Variants in SRGAP3 observed in about 807,000 individuals in gnomAD.
The protein encoded by SRGAP3 is SLIT-ROBO Rho GTPase activating protein 3.
In SRGAP3, 39 loss-of-function variants were observed where a neutral mutation model predicts 121.1. That is an observed-to-expected ratio of 0.32 (90% CI 0.25 to 0.42). The LOEUF (loss-of-function observed/expected upper bound fraction) is 0.42. SRGAP3 is among the 10% of genes least tolerant of loss of function. The pLI is 1.00. For missense variants in SRGAP3, 1,213 were observed against 1,470.6 expected (o/e 0.82, Z 2.86); for synonymous variants, 601 against 570.0 (o/e 1.05, Z -0.77).
At position 9,158,113 on chromosome 3, in the gene SRGAP3, C is replaced by G. The variant is rs141033169; in HGVS notation, c.68-33196G>C. Among the ~76,000 whole-genome samples the G allele has an allele frequency of 5.2e-3, 796 of 152,282 alleles. 1 individual carries two copies. The highest frequency in any genetic ancestry group is 7.1e-3 in the Non-Finnish European group (484 of 68,032). ...CTGTGCTCCAGGAGCCTGCTCGGGC[C>G]TGTAACAAATTGTAAAAGAGCAAAG... On this transcript the variant is annotated intron_variant, in intron 1 of 21. Coordinates refer to ENST00000383836, the MANE Select transcript of SRGAP3 (RefSeq NM_014850.4).
chr3:9,141,931 C>T (rs1283229370), intron 1 of SRGAP3, among the ~76,000 whole-genome samples: 1 of 152,126 alleles, frequency 6.6e-6, no homozygotes, highest in African/African-American at 2.4e-5. Context: ...TAGGAAAAGC[C>T]TCAGAAAAAA....
intron 7 of SRGAP3, 107 bp downstream of exon 7, chr3:9,058,144 G>T: frequency 8.1e-7 from 1 of 1,227,118 alleles, no homozygotes; most frequent in Non-Finnish European, 1.2e-6. Context: ...CTTGACCCCA[G>T]GCGTCGGATA....
intron 3 of SRGAP3, among the ~76,000 whole-genome samples, chr3:9,325,828 A>T (rs148140720): frequency 3.3e-5 from 5 of 152,096 alleles, no homozygotes; most frequent in Non-Finnish European, 7.4e-5. Context: ...ACTATACCCT[A>T]TAAGTGTACA....
intron 1 of SRGAP3, among the ~76,000 whole-genome samples, chr3:9,129,269 T>C (rs990625122): frequency 6.6e-6 from 1 of 151,004 alleles, no homozygotes; most frequent in Non-Finnish European, 1.5e-5. Context: ...GAGAGTGGTA[T>C]TATACATAAT....
intron 1 of SRGAP3, among the ~76,000 whole-genome samples, chr3:9,232,383 C>T (rs1177515320): frequency 6.6e-6 from 1 of 152,100 alleles, no homozygotes; most frequent in Non-Finnish European, 1.5e-5. Context: ...TCTTCTTTCC[C>T]CTGTCCCCTG....
chr3:9,127,373 C>T (rs554318821), intron 1 of SRGAP3, among the ~76,000 whole-genome samples: 1 of 152,330 alleles, frequency 6.6e-6, no homozygotes, highest in Admixed American at 6.5e-5. Flanking sequence ...CCAGCAGCAT[C>T]AGCACCACCA....
chr3:9,066,746 G>A (rs1270686932), intron 4 of SRGAP3, among the ~76,000 whole-genome samples: 1 of 152,180 alleles, frequency 6.6e-6, no homozygotes, highest in East Asian at 1.9e-4. Flanking sequence ...TGATCCTCCC[G>A]CCTTGACCTC....
chr3:9,009,279 T>A (rs932145), intron 18 of SRGAP3, among the ~76,000 whole-genome samples: 32,856 of 151,982 alleles, frequency 0.22, 3,677 homozygotes, highest in Non-Finnish European at 0.25. Context: ...GGCCAACGTG[T>A]CCTGGTCCCA....
intron 3 of SRGAP3, among the ~76,000 whole-genome samples, chr3:9,103,658 G>A (rs1948303158): frequency 6.6e-6 from 1 of 152,154 alleles, no homozygotes; most frequent in South Asian, 2.1e-4. Flanking sequence ...TCACCCTCCT[G>A]GGAAGTAGCT....
intron 12 of SRGAP3, among the ~76,000 whole-genome samples, chr3:9,031,620 T>C (rs1160701562): frequency 6.6e-6 from 1 of 152,154 alleles, no homozygotes; most frequent in Non-Finnish European, 1.5e-5. Context: ...CCCCCTCCCC[T>C]GCCTAAGGCC....
chr3:9,356,542 T>C (rs943508687), intron 1 of SRGAP3, among the ~76,000 whole-genome samples: 7 of 151,696 alleles, frequency 4.6e-5, no homozygotes, highest in African/African-American at 9.7e-5. Flanking sequence ...CCGGCTAATT[T>C]TTTTGTATTT....
chr3:8,994,064 T>C (rs1942240421), intron 19 of SRGAP3: 1 of 478,196 alleles, frequency 2.1e-6, no homozygotes, highest in Admixed American at 3.2e-5. Context: ...AGAGCCCTGG[T>C]GGGTGATGGC....
intron 1 of SRGAP3, among the ~76,000 whole-genome samples, chr3:9,353,523 T>C (rs1475836083): frequency 6.6e-6 from 1 of 152,254 alleles, no homozygotes; most frequent in Non-Finnish European, 1.5e-5. Flanking sequence ...GAAAATTTAC[T>C]GTGATGGCAC....
At chr3:9,336,523 T>A (rs971173494) in intron 1 of SRGAP3, among the ~76,000 whole-genome samples, 1 of 151,974 alleles carries the variant, frequency 6.6e-6, no homozygotes, top group Non-Finnish European at 1.5e-5. Context: ...CTGAAGTTTA[T>A]TTTCTAATTT....
intron 3 of SRGAP3, among the ~76,000 whole-genome samples, chr3:9,293,553 T>G (rs1453712875): frequency 6.6e-6 from 1 of 152,026 alleles, no homozygotes; most frequent in Admixed American, 6.6e-5. Flanking sequence ...TAAACAGACT[T>G]AAAGAATGGA....
At chr3:9,069,925 C>T (rs565070454) in intron 4 of SRGAP3, among the ~76,000 whole-genome samples, 153 of 151,972 alleles carry the variant, frequency 1.0e-3, no homozygotes, top group Non-Finnish European at 1.8e-3. Context: ...CCAGCCTGGG[C>T]GACAGAGCGA....
intron 1 of SRGAP3, among the ~76,000 whole-genome samples, chr3:9,354,467 T>C (rs1158284747): frequency 2.0e-5 from 3 of 151,848 alleles, no homozygotes; most frequent in African/African-American, 7.3e-5. Flanking sequence ...ATCACGAGGT[T>C]AGGAGATCGA....
chr3:9,080,462 C>T (rs1207144271), intron 3 of SRGAP3, among the ~76,000 whole-genome samples: 1 of 152,234 alleles, frequency 6.6e-6, no homozygotes, highest in African/African-American at 2.4e-5. Flanking sequence ...GCACAATCCT[C>T]ATGAATGGCT....
chr3:9,057,436 G>T (rs1945876739), intron 7 of SRGAP3, among the ~76,000 whole-genome samples: 1 of 152,256 alleles, frequency 6.6e-6, no homozygotes. Flanking sequence ...GATGGATCGG[G>T]AGGACTGAGA....
Sources: gnomAD v4.1 joint callset for allele counts (sites outside exome capture counted in the v4.1 genomes callset) on GRCh38, gnomAD v4.1.1 for gene constraint, MANE v1.5 for transcripts, NCBI Gene and HGNC (gene_info 2026-07-23, HGNC 2026-07-21) for gene names.